Variants in ADAMTSL3 observed in about 807,000 individuals in gnomAD.
The protein encoded by ADAMTSL3 is ADAMTS like 3.
A neutral mutation model predicts 201.7 loss-of-function variants in ADAMTSL3; 128 were observed. That is an observed-to-expected ratio of 0.63 (90% CI 0.55 to 0.73). The LOEUF is 0.73. ADAMTSL3 is among the 30% of genes least tolerant of loss of function. ADAMTSL3 has a pLI of 0.00. For missense variants in ADAMTSL3, 1,990 were observed against 2,119.6 expected, an observed-to-expected ratio of 0.94 and a Z score of 1.20; for synonymous variants, 738 against 748.4, an observed-to-expected ratio of 0.99 and a Z score of 0.23.
intron 10 of ADAMTSL3, among the ~76,000 whole-genome samples, chr15:83,887,953 G>A (rs981292653): frequency 1.3e-5 from 2 of 152,072 alleles, no homozygotes; most frequent in Admixed American, 6.5e-5. Context: ...TCAGAGAGAC[G>A]TTCACATTTG....
Position 83,661,311 on chromosome 15 carries a change from CTG to C in ADAMTSL3, c.69+5484_69+5485del, listed in dbSNP as rs1157952585. ...AACTTTAAAGTAGTTTTTTCCAATT[CTG>C]TGAAGAAAGGCATTGGTAGCTTGAT... On this transcript the variant is annotated intron_variant, in intron 2 of 29. Transcript: ENST00000286744. 5.2e-3 allele frequency among the ~76,000 whole-genome samples: 780 copies of C among 151,172 alleles called. 2 individuals are homozygous for C. The highest frequency in any genetic ancestry group is 0.018 in the African/African-American group (723 of 41,238).
At chr15:83,931,863 G>A (rs1470191734) in intron 17 of ADAMTSL3, among the ~76,000 whole-genome samples, 1 of 152,094 alleles carries the variant, frequency 6.6e-6, no homozygotes, top group East Asian at 1.9e-4. Context: ...TTGATGATTT[G>A]GGGAAAGGGA....
intron 3 of ADAMTSL3, among the ~76,000 whole-genome samples, chr15:83,714,713 C>T (rs986234518): frequency 2.3e-5 from 3 of 130,082 alleles, no homozygotes; most frequent in Non-Finnish European, 5.2e-5. Context: ...TCCCTCCTTC[C>T]CTCTTTCTTT....
intron 2 of ADAMTSL3, among the ~76,000 whole-genome samples, chr15:83,670,258 C>CAAAA (rs60947988): frequency 1.4e-3 from 93 of 64,394 alleles, no homozygotes; most frequent in Non-Finnish European, 1.8e-3. Context: ...ACTCTGTCTC[C>CAAAA]AAAAAAAAAA....
chr15:83,865,627 G>C (rs2064959279), intron 8 of ADAMTSL3, among the ~76,000 whole-genome samples: 1 of 152,182 alleles, frequency 6.6e-6, no homozygotes, highest in African/African-American at 2.4e-5. Flanking sequence ...ATGGATTAAA[G>C]ACTTAAATGT....
At position 83,892,684 on chromosome 15, in the gene ADAMTSL3, C is replaced by A; in HGVS notation, c.1263C>A (p.Arg421=). The change falls in exon 13 of 30, where the codon CGC becomes CGA. Residue 421 remains arginine, a splice_region_variant and synonymous_variant. Coordinates refer to ENST00000286744, the MANE Select transcript of ADAMTSL3 (RefSeq NM_207517.3). ...MPYDHFQPLP[R]WEHNPWTACS... is the part of the protein sequence containing the mutation. ...ATAATTTTATTTGTTTGCTTTTGAG[C>A]TGGGAACATAATCCTTGGACTGCAT... The A allele has an allele frequency of 6.2e-7, 1 of 1,612,600 alleles. No individual in the cohort carries two copies. Among genetic ancestry groups the A allele is most frequent in the Non-Finnish European group, 8.5e-7 (1 of 1,179,302 alleles).
intron 23 of ADAMTSL3, among the ~76,000 whole-genome samples, chr15:84,013,905 C>T (rs2068045211): frequency 6.6e-6 from 1 of 152,152 alleles, no homozygotes. Context: ...CCTCATGTTC[C>T]CCTCTGTGTC....
At chr15:83,840,905 A>G (rs1243741794) in intron 7 of ADAMTSL3, among the ~76,000 whole-genome samples, 1 of 152,218 alleles carries the variant, frequency 6.6e-6, no homozygotes, top group African/African-American at 2.4e-5. Context: ...GGAACCAGGC[A>G]CCTTTCTCTC....
chr15:83,858,752 C>G lies in ADAMTSL3; in HGVS notation c.728-14C>G. On this transcript the variant is annotated splice_polypyrimidine_tract_variant and intron_variant, in intron 7 of 29. Transcript: ENST00000286744. The stretch of plus-strand genomic sequence containing the variant: ...GTACTGGTTTTATTGCAGTTGCGTT[C>G]TGTTCTTTCCCAGGAGAAGAAAATG... 4.4e-6 allele frequency: 7 copies of G among 1,608,654 alleles called. No individual in the cohort carries two copies. Among genetic ancestry groups the G allele is most frequent in the Non-Finnish European group, 5.9e-6 (7 of 1,177,600 alleles).
At chr15:83,907,979 T>C (rs1289484835) in intron 15 of ADAMTSL3, among the ~76,000 whole-genome samples, 1 of 152,236 alleles carries the variant, frequency 6.6e-6, no homozygotes, top group African/African-American at 2.4e-5. Flanking sequence ...TTTACCTTCC[T>C]ACTGACAGTG....
intron 2 of ADAMTSL3, among the ~76,000 whole-genome samples, chr15:83,698,185 A>G (rs2061713653): frequency 2.0e-5 from 3 of 152,298 alleles, no homozygotes; most frequent in Middle Eastern, 6.8e-3. Context: ...ATATATTTCT[A>G]TTATATCATA....
At chr15:83,749,701 T>C (rs1366928716) in intron 3 of ADAMTSL3, among the ~76,000 whole-genome samples, 1 of 152,132 alleles carries the variant, frequency 6.6e-6, no homozygotes, top group Non-Finnish European at 1.5e-5. Flanking sequence ...ACATCTGGCC[T>C]AGATGTAGAG....
intron 23 of ADAMTSL3, among the ~76,000 whole-genome samples, chr15:83,994,330 G>A (rs1259502998): frequency 6.6e-6 from 1 of 152,132 alleles, no homozygotes; most frequent in African/African-American, 2.4e-5. Flanking sequence ...ACTGTGGATG[G>A]CACCTGACAT....
At chr15:83,758,758 C>CT (rs141957657) in intron 3 of ADAMTSL3, among the ~76,000 whole-genome samples, 87 of 151,874 alleles carry the variant, frequency 5.7e-4, no homozygotes, top group African/African-American at 1.9e-3. Flanking sequence ...TGGGCTATTT[C>CT]TTTTTTTTGT....
intron 3 of ADAMTSL3, among the ~76,000 whole-genome samples, chr15:83,714,396 T>C (rs1180175142): frequency 6.6e-6 from 1 of 152,230 alleles, no homozygotes; most frequent in African/African-American, 2.4e-5. Context: ...CCAGGTGTTA[T>C]TGATGAAGCT....
chr15:83,842,274 C>T (rs1003585566), intron 7 of ADAMTSL3, among the ~76,000 whole-genome samples: 6 of 151,926 alleles, frequency 3.9e-5, no homozygotes, highest in Non-Finnish European at 7.4e-5. Context: ...GCTGCGATAC[C>T]GAAAGCCCTC....
chr15:83,970,517 A>G lies in ADAMTSL3; in HGVS notation c.2524A>G (p.Arg842Gly). ...CAGTTGTGGTGTTGGAATCCAGAGA[A>G]GAAAGCAGGTGTGTCAAAGGCTGGC... The part of the protein sequence containing the change: ...SVSCGVGIQR[R>G]KQVCQRLAAK... The change falls in exon 20 of 30, where the codon AGA becomes GGA. Residue 842 changes from arginine to glycine, a missense_variant. By Grantham distance (125) the Arg-to-Gly change is moderately radical (BLOSUM62 -2). Transcript: ENST00000286744. The G allele has an allele frequency of 6.2e-7, 1 of 1,614,238 alleles. No homozygotes were observed. The highest frequency in any genetic ancestry group is 8.5e-7 in the Non-Finnish European group (1 of 1,180,042).
chr15:83,945,157 T>A (rs2066631168), intron 19 of ADAMTSL3, among the ~76,000 whole-genome samples: 1 of 152,050 alleles, frequency 6.6e-6, no homozygotes, highest in South Asian at 2.1e-4. Context: ...GAGCAGGAGT[T>A]GCCCTAGGAT....
chr15:83,954,315 A>C (rs1289776192), intron 19 of ADAMTSL3, among the ~76,000 whole-genome samples: 1 of 152,222 alleles, frequency 6.6e-6, no homozygotes, highest in African/African-American at 2.4e-5. Flanking sequence ...TTCTGCTGCC[A>C]AGAGACTCTG....
Sources: gnomAD v4.1 joint callset for allele counts (sites outside exome capture counted in the v4.1 genomes callset) on GRCh38, gnomAD v4.1.1 for gene constraint, MANE v1.5 for transcripts, NCBI Gene and HGNC (gene_info 2026-07-23, HGNC 2026-07-21) for gene names.